Variants in RAB27A observed in about 807,000 individuals in gnomAD.
RAB27A encodes ras-related protein Rab-27A.
A neutral mutation model predicts 20.8 loss-of-function variants in RAB27A; 17 were observed. That is an observed-to-expected ratio of 0.82 (90% confidence interval 0.56 to 1.23). RAB27A has a LOEUF of 1.23. RAB27A is among the 50% of genes most tolerant of loss of function. The pLI, the probability that RAB27A is intolerant of heterozygous loss-of-function variation, is 0.00. For synonymous variants in RAB27A, 85 were observed against 92.8 expected (o/e 0.92, Z 0.48); for missense variants, 277 against 266.7 (o/e 1.04, Z -0.27).
intron 2 of RAB27A, among the ~76,000 whole-genome samples, chr15:55,242,689 G>A (rs542079782): frequency 6.6e-5 from 10 of 152,212 alleles, no homozygotes; most frequent in African/African-American, 9.6e-5. Context: ...ATTTTGGGGC[G>A]CCCTATCCAT....
intron 2 of RAB27A, among the ~76,000 whole-genome samples, chr15:55,304,396 C>G (rs950972554): frequency 2.0e-5 from 3 of 151,140 alleles, no homozygotes; most frequent in South Asian, 2.1e-4. Context: ...CTGACCTTCC[C>G]TCCACTATTG....
At chr15:55,266,649 G>T (rs1014425348) in intron 2 of RAB27A, among the ~76,000 whole-genome samples, 1 of 152,108 alleles carries the variant, frequency 6.6e-6, no homozygotes, top group Admixed American at 6.5e-5. Context: ...ATCCTTTAAA[G>T]CACTAACTCA....
chr15:55,318,757 A>C (rs1340207340), intron 1 of RAB27A: 1 of 151,956 alleles, frequency 6.6e-6, no homozygotes, highest in Non-Finnish European at 1.5e-5. Flanking sequence ...CAACAACAAC[A>C]AAAAAAATAG....
intron 1 of RAB27A, among the ~76,000 whole-genome samples, chr15:55,317,019 A>G (rs2055049099): frequency 6.6e-6 from 1 of 152,228 alleles, no homozygotes; most frequent in Admixed American, 6.5e-5. Flanking sequence ...ATACACACTG[A>G]GACTGGCACC....
At chr15:55,266,110 A>G (rs1278896567) in intron 2 of RAB27A, among the ~76,000 whole-genome samples, 1 of 152,230 alleles carries the variant, frequency 6.6e-6, no homozygotes, top group Middle Eastern at 3.2e-3. Flanking sequence ...ATGTGATGGT[A>G]TAAGGAGGCA....
intron 2 of RAB27A, among the ~76,000 whole-genome samples, chr15:55,310,361 T>C (rs2055014989): frequency 1.3e-5 from 2 of 152,164 alleles, no homozygotes; most frequent in African/African-American, 4.8e-5. Context: ...GGTGATGGCA[T>C]GGGCTGGCAC....
chr15:55,241,906 T>C (rs748673527), intron 2 of RAB27A, among the ~76,000 whole-genome samples: 13 of 152,092 alleles, frequency 8.5e-5, no homozygotes, highest in Non-Finnish European at 1.5e-4. Flanking sequence ...TTTTTAAAAA[T>C]ACTTTTTAAG....
At chr15:55,226,191 C>T (rs1327223704) in intron 5 of RAB27A, among the ~76,000 whole-genome samples, 2 of 152,184 alleles carry the variant, frequency 1.3e-5, no homozygotes, top group Non-Finnish European at 2.9e-5. Context: ...CTGGGCATGA[C>T]GTGCTTACTC....
In RAB27A at chr15:55,282,667, A is replaced by C. The variant is rs77138596; in HGVS notation, c.-143+7049T>G. ...AGACTGAGAACCCAAGTCCCTGTGT[A>C]ACCCTTCAGGTACACGATCTCTGGG... On this transcript the variant is annotated intron_variant, in intron 1 of 6. Transcript: ENST00000336787. Among the ~76,000 whole-genome samples, 899 of 152,276 alleles carry C rather than the reference A, an allele frequency of 5.9e-3. 3 individuals are homozygous for C. Among genetic ancestry groups the C allele is most frequent in the Non-Finnish European group, 0.01 (711 of 68,014 alleles).
intron 1 of RAB27A, among the ~76,000 whole-genome samples, chr15:55,316,571 T>C (rs1236360144): frequency 6.7e-6 from 1 of 150,314 alleles, no homozygotes; most frequent in South Asian, 2.1e-4. Flanking sequence ...GTTCAGCACA[T>C]GTATCCCAGA....
At chr15:55,236,032 AG>A (rs1250322721) in intron 2 of RAB27A, among the ~76,000 whole-genome samples, 2 of 152,078 alleles carry the variant, frequency 1.3e-5, no homozygotes. Flanking sequence ...GAGGCGGGTG[AG>A]GGATAAAAGA....
At chr15:55,274,426 A>G (rs1428301537) in intron 1 of RAB27A, among the ~76,000 whole-genome samples, 1 of 152,112 alleles carries the variant, frequency 6.6e-6, no homozygotes, top group Non-Finnish European at 1.5e-5. Context: ...GACCAAAAAA[A>G]CAGAAAAGAA....
intron 2 of RAB27A, among the ~76,000 whole-genome samples, chr15:55,301,990 C>G (rs995632282): frequency 4.0e-5 from 6 of 151,888 alleles, no homozygotes; most frequent in African/African-American, 1.5e-4. Flanking sequence ...AGTGGCCTGG[C>G]CAATATGGTG....
At chr15:55,306,881 A>C (rs553235901) in intron 2 of RAB27A, among the ~76,000 whole-genome samples, 1 of 152,282 alleles carries the variant, frequency 6.6e-6, no homozygotes, top group South Asian at 2.1e-4. Context: ...AGGGAGGGCC[A>C]TGGGGATTTA....
At chr15:55,294,005 C>T (rs991351309), upstream of RAB27A, among the ~76,000 whole-genome samples, 2 of 151,898 alleles carry the variant, frequency 1.3e-5, no homozygotes, top group Non-Finnish European at 2.9e-5. Flanking sequence ...GATAGAGCTA[C>T]AGATTCAACA....
intron 6 of RAB27A, among the ~76,000 whole-genome samples, chr15:55,214,676 T>C (rs980404754): frequency 2.0e-5 from 3 of 152,184 alleles, no homozygotes; most frequent in Non-Finnish European, 4.4e-5. Flanking sequence ...ACTGTCAATC[T>C]TTTTTCCTCC....
chr15:55,305,870 T>C (rs992108495), intron 2 of RAB27A, among the ~76,000 whole-genome samples: 2 of 152,226 alleles, frequency 1.3e-5, no homozygotes, highest in East Asian at 3.8e-4. Context: ...CAGGTTGTGA[T>C]ACCGCCAGTG....
intron 2 of RAB27A, among the ~76,000 whole-genome samples, chr15:55,304,045 G>C (rs1365567532): frequency 3.9e-5 from 6 of 152,114 alleles, no homozygotes. Context: ...GGAAGAGATT[G>C]AGAAATCGGA....
intron 2 of RAB27A, among the ~76,000 whole-genome samples, chr15:55,302,519 C>A (rs2054976825): frequency 6.6e-6 from 1 of 151,916 alleles, no homozygotes; most frequent in Admixed American, 6.6e-5. Flanking sequence ...TGAGGAGCGT[C>A]TCTGCCTGGC....
Sources: allele counts gnomAD v4.1 joint callset (sites outside exome capture counted in the v4.1 genomes callset), GRCh38; gene constraint gnomAD v4.1.1; transcripts MANE v1.5; gene names NCBI Gene and HGNC (gene_info 2026-07-23, HGNC 2026-07-21).